RAPGEF1: variants seen among roughly 807,000 people sequenced by gnomAD.
RAPGEF1 encodes Rap guanine nucleotide exchange factor 1, also known as CRK SH3-binding GNRP.
A neutral mutation model predicts 143.3 loss-of-function variants in RAPGEF1; 33 were observed. The ratio of observed to expected loss-of-function variants is 0.23; its 90% CI spans 0.17 to 0.31. The LOEUF (loss-of-function observed/expected upper bound fraction) is 0.31. Ranked by LOEUF, RAPGEF1 falls within the 10% of genes least tolerant of loss-of-function variation. RAPGEF1 has a pLI of 1.00. For missense variants in RAPGEF1, 1,199 were observed against 1,645.4 expected, an observed-to-expected ratio of 0.73 and a Z score of 4.69; for synonymous variants, 629 against 676.5, an observed-to-expected ratio of 0.93 and a Z score of 1.09.
chr9:131,727,543 A>G (rs10793890), intron 1 of RAPGEF1, among the ~76,000 whole-genome samples: 136,649 of 152,134 alleles, frequency 0.9, 61,533 homozygotes, highest in African/African-American at 0.95. Context: ...CCTCTTCATC[A>G]CCCAAAGATG....
At chr9:131,698,474 C>T (rs951188367) in intron 1 of RAPGEF1, among the ~76,000 whole-genome samples, 18 of 152,222 alleles carry the variant, frequency 1.2e-4, no homozygotes, top group African/African-American at 4.3e-4. Context: ...TGATTGAAAG[C>T]AACATGCTTA....
At chr9:131,611,587 A>G (rs1454744860) in intron 12 of RAPGEF1, among the ~76,000 whole-genome samples, 2 of 152,198 alleles carry the variant, frequency 1.3e-5, no homozygotes, top group Non-Finnish European at 2.9e-5. Flanking sequence ...GTTGATCTGA[A>G]TAACATCAAC....
chr9:131,633,841 C>T (rs982848310), intron 5 of RAPGEF1, among the ~76,000 whole-genome samples: 5 of 152,266 alleles, frequency 3.3e-5, no homozygotes, highest in Non-Finnish European at 7.3e-5. Flanking sequence ...GGCTACTGTG[C>T]TAACACCCTA....
At chr9:131,622,319 G>C (rs1215990047) in intron 10 of RAPGEF1, among the ~76,000 whole-genome samples, 1 of 152,206 alleles carries the variant, frequency 6.6e-6, no homozygotes, top group East Asian at 1.9e-4. Flanking sequence ...TTCCCCTCGA[G>C]GCATGTCGCA....
intron 16 of RAPGEF1, 59 bp downstream of exon 16, chr9:131,598,140 C>T (rs1220241007): frequency 1.4e-6 from 2 of 1,429,556 alleles, no homozygotes; most frequent in Non-Finnish European, 9.8e-7. Flanking sequence ...TTCTTCTCTG[C>T]CCCACCTGCT....
chr9:131,578,679 C>T lies in RAPGEF1; in HGVS notation c.*818G>A, dbSNP rs992707158. 6.6e-6 allele frequency: 1 copy of T among 152,308 alleles called. No individual in the cohort carries two copies. Among genetic ancestry groups the T allele is most frequent in the Non-Finnish European group, 1.5e-5 (1 of 68,116 alleles). 9.4% of individuals were successfully genotyped at this position (152,308 alleles called of 1,614,324 possible). A position where few individuals can be genotyped will look rare whatever the true frequency, so the allele number is the denominator to read the frequency against. ...TCAGTTTGGTGAGGTTCAGAAGACTCCCAGCAATAAAAAGTATTTCTTGGA... is the reference window on the plus strand; with the variant it reads ...TCAGTTTGGTGAGGTTCAGAAGACTTCCAGCAATAAAAAGTATTTCTTGGA... On this transcript the variant is annotated 3_prime_UTR_variant, in exon 27 of 27. Coordinates refer to ENST00000683357, the MANE Select transcript of RAPGEF1 (RefSeq NM_001377935.1).
rs184134289 is a variant in RAPGEF1 at position 131,647,418 on chromosome 9, G to A, written c.315+2711C>T. ...AGGGCTGGGGCGAGAAGGAGCCCTC[G>A]GGAAGTGGCAGCGAATCTGAATCTG... On this transcript the variant is annotated intron_variant, in intron 3 of 26. Coordinates refer to ENST00000683357, the MANE Select transcript of RAPGEF1 (RefSeq NM_001377935.1). 1.4e-4 allele frequency among the ~76,000 whole-genome samples: 21 copies of A among 152,280 alleles called. No homozygotes were observed. The East Asian group carries it at 2.9e-3, about 21-fold the overall frequency.
chr9:131,593,777 C>T (rs1954772191), intron 17 of RAPGEF1, among the ~76,000 whole-genome samples: 1 of 152,202 alleles, frequency 6.6e-6, no homozygotes, highest in Non-Finnish European at 1.5e-5. Flanking sequence ...TTCCTCGGCC[C>T]CCACACCCAC....
intron 3 of RAPGEF1, among the ~76,000 whole-genome samples, chr9:131,648,758 T>C (rs35178842): frequency 0.22 from 33,434 of 152,194 alleles, 4,557 homozygotes; most frequent in Non-Finnish European, 0.3. Context: ...AAACCACTTT[T>C]CAACAAAAGA....
At chr9:131,618,253 C>A (rs1959437655) in intron 12 of RAPGEF1, among the ~76,000 whole-genome samples, 1 of 152,234 alleles carries the variant, frequency 6.6e-6, no homozygotes, top group Non-Finnish European at 1.5e-5. Context: ...AAGCCCAGGC[C>A]AGCCTGATGG....
In RAPGEF1 at chr9:131,638,587, G is replaced by T. The variant is rs180710164; in HGVS notation, c.651+48C>A. On this transcript the variant is annotated intron_variant, in intron 5 of 26. Transcript: ENST00000683357. ...CTTATGTGACAAGCACCAGCAGGCA[G>T]GCTGCTCTAAGTCCCTGACTGGGAC... 94 of 1,601,492 alleles carry T rather than the reference G, an allele frequency of 5.9e-5. No individual in the cohort carries two copies. In the African/African-American group the frequency reaches 1.2e-3, roughly 20 times the overall value.
intron 5 of RAPGEF1, among the ~76,000 whole-genome samples, chr9:131,637,265 G>A (rs1966627379): frequency 6.6e-6 from 1 of 151,914 alleles, no homozygotes; most frequent in African/African-American, 2.4e-5. Flanking sequence ...AGAATTCAGA[G>A]GAAAATATTG....
At chr9:131,637,553 A>AT (rs901995922) in intron 5 of RAPGEF1, among the ~76,000 whole-genome samples, 2 of 151,888 alleles carry the variant, frequency 1.3e-5, no homozygotes, top group African/African-American at 2.4e-5. Context: ...GTGGGAAGGA[A>AT]TTTTTTTTGA....
Position 131,641,187 on chromosome 9 carries a change from C to G in RAPGEF1, c.494+2052G>C, listed in dbSNP as rs1342151408. On this transcript the variant is annotated intron_variant, in intron 4 of 26. Transcript: ENST00000683357. This position sits in a 1 kb window ranked among gnomAD's most constrained non-coding sequence, Gnocchi z 4.6. Reference sequence around the variant, plus strand: ...GCAACACTTCTAGCAGCAATACACTCTGGGTGTGAGGGTCCAGGGGACGCT... The same window carrying G: ...GCAACACTTCTAGCAGCAATACACTGTGGGTGTGAGGGTCCAGGGGACGCT... Among the ~76,000 whole-genome samples the G allele has an allele frequency of 6.6e-6, 1 of 152,186 alleles. No homozygotes were observed. The highest frequency in any genetic ancestry group is 2.4e-5 in the African/African-American group (1 of 41,434).
chr9:131,640,990 C>A (rs1012460137), intron 4 of RAPGEF1, among the ~76,000 whole-genome samples: 1 of 152,118 alleles, frequency 6.6e-6, no homozygotes, highest in Non-Finnish European at 1.5e-5. Flanking sequence ...GTCCTTACAG[C>A]CACACCCAGG....
At chr9:131,713,194 C>T (rs139827670) in intron 1 of RAPGEF1, among the ~76,000 whole-genome samples, 269 of 152,276 alleles carry the variant, frequency 1.8e-3, no homozygotes, top group African/African-American at 6.0e-3. Context: ...ACGCCGAGAA[C>T]GCTGTGGCTG....
intron 18 of RAPGEF1, among the ~76,000 whole-genome samples, chr9:131,590,255 C>T (rs73559613): frequency 0.01 from 1,583 of 152,094 alleles, 23 homozygotes; most frequent in African/African-American, 0.033. Flanking sequence ...GCCTTTCCAT[C>T]GGGTTCACCC....
chr9:131,622,188 C>T (rs975312044), intron 10 of RAPGEF1, among the ~76,000 whole-genome samples, 190 bp from the exon 11 acceptor site: 5 of 152,148 alleles, frequency 3.3e-5, no homozygotes, highest in Non-Finnish European at 5.9e-5. Flanking sequence ...ACGGAGGAGA[C>T]ACGTCCAGAC....
rs1173956954 is a variant in RAPGEF1, at chr9:131,584,061, T to G, written c.3414+250A>C. Reference sequence around the variant, plus strand: ...GGAACCCAGGGATGGGCCTGCTGGGTGGCAGCAGAACACCGGGATGTGACC... The same window carrying G: ...GGAACCCAGGGATGGGCCTGCTGGGGGGCAGCAGAACACCGGGATGTGACC... On this transcript the variant is annotated intron_variant, in intron 24 of 26. Coordinates refer to ENST00000683357, the MANE Select transcript of RAPGEF1 (RefSeq NM_001377935.1). This position sits in a 1 kb window ranked among gnomAD's most constrained non-coding sequence, Gnocchi z 6.8. Among the ~76,000 whole-genome samples, 2 of 151,430 alleles carry G rather than the reference T, an allele frequency of 1.3e-5. No individual in the cohort carries two copies. Among genetic ancestry groups the G allele is most frequent in the African/African-American group, 4.9e-5 (2 of 41,172 alleles).
Sources: allele counts gnomAD v4.1 joint callset (sites outside exome capture counted in the v4.1 genomes callset), GRCh38; gene constraint gnomAD v4.1.1; non-coding constraint Gnocchi (gnomAD v3.1); transcripts MANE v1.5; gene names NCBI Gene and HGNC (gene_info 2026-07-23, HGNC 2026-07-21).